Variants in SGIP1 observed in about 807,000 individuals in gnomAD.
The protein encoded by SGIP1 is SH3GL interacting endocytic adaptor 1.
In SGIP1, 38 loss-of-function variants were observed where a neutral mutation model predicts 107.5. That is an observed-to-expected ratio of 0.35 (90% CI 0.27 to 0.46). The LOEUF (loss-of-function observed/expected upper bound fraction) is 0.46, where lower values mean the gene tolerates loss of function less well. SGIP1 is among the 20% of genes least tolerant of loss of function. The probability of loss-of-function intolerance (pLI) is 1.00; values close to 1 mark genes in which losing one functional copy is unlikely to be tolerated. For synonymous variants in SGIP1, 365 were observed against 366.1 expected (o/e 1.00, Z 0.03); for missense variants, 929 against 1,019.5 (o/e 0.91, Z 1.21).
intron 18 of SGIP1, among the ~76,000 whole-genome samples, chr1:66,717,312 G>A (rs749184577): frequency 2.6e-5 from 4 of 152,132 alleles, no homozygotes; most frequent in African/African-American, 4.8e-5. Flanking sequence ...TTGAATTAAT[G>A]AGTGATGAAA....
intron 1 of SGIP1, 97 bp downstream of exon 1, chr1:66,534,465 A>G: frequency 7.1e-7 from 1 of 1,413,346 alleles, no homozygotes; most frequent in South Asian, 1.2e-5. Context: ...GCGGTTCTAG[A>G]ACCTGGTTGC....
At chr1:66,588,638 C>CTTTTTTTTTT (rs35096597) in intron 1 of SGIP1, among the ~76,000 whole-genome samples, 12 of 98,674 alleles carry the variant, frequency 1.2e-4, no homozygotes, top group Non-Finnish European at 2.0e-4. Context: ...CTAGTTAGTT[C>CTTTTTTTTTT]TTTTTTTTTT....
intron 7 of SGIP1, among the ~76,000 whole-genome samples, chr1:66,658,729 T>C (rs2080281248): frequency 6.6e-6 from 1 of 152,214 alleles, no homozygotes; most frequent in African/African-American, 2.4e-5. Flanking sequence ...AGAAATGTAC[T>C]AGCAATGGGT....
At chr1:66,551,892 G>A (rs1384425211) in intron 1 of SGIP1, among the ~76,000 whole-genome samples, 2 of 152,126 alleles carry the variant, frequency 1.3e-5, no homozygotes, top group African/African-American at 4.8e-5. Flanking sequence ...ACCCAAGGTT[G>A]GTAGTAATGA....
chr1:66,594,228 G>C (rs1382575284), intron 1 of SGIP1, among the ~76,000 whole-genome samples: 1 of 152,112 alleles, frequency 6.6e-6, no homozygotes, highest in Non-Finnish European at 1.5e-5. Flanking sequence ...TTAATGTAAA[G>C]GTGTGTACCT....
intron 18 of SGIP1, among the ~76,000 whole-genome samples, chr1:66,717,800 C>A (rs943624644): frequency 9.9e-5 from 15 of 152,118 alleles, no homozygotes; most frequent in African/African-American, 3.6e-4. Context: ...TCACTTCATA[C>A]ATTTACATAG....
intron 3 of SGIP1, among the ~76,000 whole-genome samples, chr1:66,634,645 C>A (rs531598162): frequency 6.6e-6 from 1 of 152,206 alleles, no homozygotes; most frequent in East Asian, 1.9e-4. Flanking sequence ...ATTAGAAATG[C>A]CATAAATATC....
intron 1 of SGIP1, among the ~76,000 whole-genome samples, chr1:66,576,013 A>G (rs971935081): frequency 1.3e-5 from 2 of 152,226 alleles, no homozygotes; most frequent in Non-Finnish European, 2.9e-5. Context: ...CTGCACTGAG[A>G]GTGAAGATGG....
intron 5 of SGIP1, among the ~76,000 whole-genome samples, chr1:66,641,413 C>A (rs1005283399): frequency 1.3e-5 from 2 of 151,986 alleles, no homozygotes; most frequent in African/African-American, 4.8e-5. Flanking sequence ...TTTATTAACT[C>A]CCAAAACTAA....
chr1:66,695,537 T>A (rs769637331), intron 18 of SGIP1, 44 bp downstream of exon 18: 3 of 1,577,056 alleles, frequency 1.9e-6, no homozygotes, highest in Non-Finnish European at 1.7e-6. Flanking sequence ...ATACTCCTCC[T>A]CATCCTTATT....
At chr1:66,552,026 A>G (rs554840937) in intron 1 of SGIP1, among the ~76,000 whole-genome samples, 2 of 152,242 alleles carry the variant, frequency 1.3e-5, no homozygotes, top group African/African-American at 4.8e-5. Flanking sequence ...ATCCCATTTG[A>G]TAGATGAAGA....
intron 1 of SGIP1, among the ~76,000 whole-genome samples, chr1:66,621,599 C>T (rs1424443602): frequency 6.6e-6 from 1 of 152,146 alleles, no homozygotes; most frequent in African/African-American, 2.4e-5. Flanking sequence ...GCAGCCATTC[C>T]CCTTTCCCAC....
rs952505303 is a variant in SGIP1, at chr1:66,750,744, C to T, written c.*7649C>T. On this transcript the variant is annotated 3_prime_UTR_variant, in exon 25 of 25. Coordinates refer to ENST00000371037, the MANE Select transcript of SGIP1 (RefSeq NM_032291.4). ...AGCTTTACTGCTTCTATGCTGTGCTCAAGAGAAAACCAACAACGGAAGCGA... is the reference window on the plus strand; with the variant it reads ...AGCTTTACTGCTTCTATGCTGTGCTTAAGAGAAAACCAACAACGGAAGCGA... Among the ~76,000 whole-genome samples, 2 of 149,042 alleles carry T rather than the reference C, an allele frequency of 1.3e-5. No homozygotes were observed. The highest frequency in any genetic ancestry group is 3.0e-5 in the Non-Finnish European group (2 of 67,004).
chr1:66,548,108 T>C (rs1054262936), intron 1 of SGIP1, among the ~76,000 whole-genome samples: 5 of 152,130 alleles, frequency 3.3e-5, no homozygotes, highest in African/African-American at 1.2e-4. Flanking sequence ...TCTGAAGCAA[T>C]GGAAAGCCAC....
At chr1:66,672,046 TAAC>T (rs2083950989) in intron 11 of SGIP1, 51 bp downstream of exon 11, 1 of 1,565,044 alleles carries the variant, frequency 6.4e-7, no homozygotes, top group Admixed American at 1.7e-5. Flanking sequence ...CATGAACTTT[TAAC>T]AATTAAGCAA....
intron 19 of SGIP1, among the ~76,000 whole-genome samples, chr1:66,721,996 C>A (rs991542263): frequency 6.6e-6 from 1 of 152,144 alleles, no homozygotes; most frequent in Admixed American, 6.6e-5. Context: ...CCTCCATGAT[C>A]TGCCCTTCGA....
chr1:66,548,405 G>A (rs1475141937), intron 1 of SGIP1, among the ~76,000 whole-genome samples: 1 of 152,002 alleles, frequency 6.6e-6, no homozygotes, highest in Non-Finnish European at 1.5e-5. Flanking sequence ...AGGTCGGTAG[G>A]CTCAAAGTGA....
At chr1:66,541,072 C>G (rs887134371) in intron 1 of SGIP1, among the ~76,000 whole-genome samples, 2 of 152,186 alleles carry the variant, frequency 1.3e-5, no homozygotes. Flanking sequence ...TTTAATTTTT[C>G]TCTATGTTGT....
intron 7 of SGIP1, among the ~76,000 whole-genome samples, chr1:66,656,603 C>G (rs1275584379): frequency 6.6e-6 from 1 of 152,110 alleles, no homozygotes; most frequent in Non-Finnish European, 1.5e-5. Context: ...CATCGTTGAC[C>G]AAAGCATCCA....
Sources: allele counts gnomAD v4.1 joint callset (sites outside exome capture counted in the v4.1 genomes callset), GRCh38; gene constraint gnomAD v4.1.1; transcripts MANE v1.5; gene names NCBI Gene and HGNC (gene_info 2026-07-23, HGNC 2026-07-21).